MAGI1: variants seen among roughly 807,000 people sequenced by gnomAD.
The protein encoded by MAGI1 is membrane associated guanylate kinase, WW and PDZ domain containing 1.
In MAGI1, 58 loss-of-function variants were observed where a neutral mutation model predicts 139.9. The observed-to-expected ratio is 0.41, with a 90% CI of 0.34 to 0.52. The LOEUF is 0.52. MAGI1 is among the 20% of genes least tolerant of loss of function. MAGI1 has a pLI of 0.12. For synonymous variants in MAGI1, 812 were observed against 737.9 expected (o/e 1.10, Z -1.63); for missense variants, 1,874 against 1,901.6 (o/e 0.99, Z 0.27).
intron 1 of MAGI1, among the ~76,000 whole-genome samples, chr3:65,726,260 C>G (rs77554090): frequency 6.6e-6 from 1 of 151,980 alleles, no homozygotes; most frequent in Non-Finnish European, 1.5e-5. Flanking sequence ...TATAAAACAC[C>G]TTGGCTTAAT....
chr3:65,810,342 T>C (rs1336172580), intron 1 of MAGI1, among the ~76,000 whole-genome samples: 2 of 152,184 alleles, frequency 1.3e-5, no homozygotes, highest in Non-Finnish European at 2.9e-5. Flanking sequence ...CTCTATCCCA[T>C]ACACCCAAAC....
chr3:65,693,681 G>T (rs1576763357), intron 1 of MAGI1, among the ~76,000 whole-genome samples: 1 of 149,790 alleles, frequency 6.7e-6, no homozygotes, highest in African/African-American at 2.5e-5. Context: ...TTCTGACAGG[G>T]TATCCATATT....
intron 4 of MAGI1, among the ~76,000 whole-genome samples, chr3:65,477,082 T>C (rs936046457): frequency 1.3e-5 from 2 of 152,196 alleles, no homozygotes; most frequent in Non-Finnish European, 1.5e-5. Flanking sequence ...ATAATGTTTC[T>C]AAAAAGACAA....
chr3:65,695,636 G>A (rs993861393), intron 1 of MAGI1, among the ~76,000 whole-genome samples: 1 of 152,180 alleles, frequency 6.6e-6, no homozygotes, highest in Non-Finnish European at 1.5e-5. Context: ...ATTGCTGGGG[G>A]ATGAATGAAT....
chr3:65,565,152 T>A (rs1170996827), intron 2 of MAGI1, among the ~76,000 whole-genome samples: 2 of 152,256 alleles, frequency 1.3e-5, no homozygotes, highest in African/African-American at 4.8e-5. Flanking sequence ...GTGAAACACA[T>A]CTCTAGTGAC....
At chr3:65,832,555 G>T (rs555793686) in intron 1 of MAGI1, among the ~76,000 whole-genome samples, 1 of 152,150 alleles carries the variant, frequency 6.6e-6, no homozygotes, top group Admixed American at 6.5e-5. Flanking sequence ...ACTCCTGGAT[G>T]AAGCTAGATG....
At chr3:65,888,369 A>G (rs1335568778) in intron 1 of MAGI1, among the ~76,000 whole-genome samples, 2 of 152,234 alleles carry the variant, frequency 1.3e-5, no homozygotes, top group African/African-American at 2.4e-5. Flanking sequence ...GGAAGTACTG[A>G]GCAGGGAATT....
intron 2 of MAGI1, among the ~76,000 whole-genome samples, chr3:65,596,002 T>C: frequency 6.6e-6 from 1 of 152,150 alleles, no homozygotes; most frequent in African/African-American, 2.4e-5. Flanking sequence ...CTGCTAAAGC[T>C]TTCAACAGCA....
At chr3:65,825,131 C>G (rs779647694) in intron 1 of MAGI1, among the ~76,000 whole-genome samples, 2 of 152,146 alleles carry the variant, frequency 1.3e-5, no homozygotes, top group Non-Finnish European at 2.9e-5. Context: ...AAAAGTTTAT[C>G]TTTGAAAATC....
At chr3:65,562,568 A>G (rs2080412138) in intron 2 of MAGI1, among the ~76,000 whole-genome samples, 1 of 152,180 alleles carries the variant, frequency 6.6e-6, no homozygotes, top group Admixed American at 6.5e-5. Context: ...AGCTCACTGC[A>G]GCCTTGAACT....
intron 2 of MAGI1, among the ~76,000 whole-genome samples, chr3:65,539,448 GA>G (rs2079110862): frequency 6.6e-6 from 1 of 152,206 alleles, no homozygotes; most frequent in Non-Finnish European, 1.5e-5. Flanking sequence ...CTGTCAAAGA[GA>G]AAACCTCTTC....
chr3:66,035,571 G>A (rs550213916), intron 1 of MAGI1, among the ~76,000 whole-genome samples: 6 of 152,236 alleles, frequency 3.9e-5, no homozygotes, highest in South Asian at 2.1e-4. Context: ...AGATCCAACT[G>A]TGCCTGTGTA....
intron 1 of MAGI1, among the ~76,000 whole-genome samples, chr3:65,634,044 A>G (rs913448741): frequency 6.6e-6 from 1 of 152,238 alleles, no homozygotes; most frequent in African/African-American, 2.4e-5. Flanking sequence ...AGATAGCAAT[A>G]TGAAGCAATA....
In MAGI1 at chr3:65,356,922, C is replaced by T; in HGVS notation, c.3845G>A (p.Trp1282Ter). Residue 1282 changes from tryptophan to a stop codon, truncating the protein, a stop_gained, in exon 23 of 23, where the codon TGG becomes TAG. Coordinates refer to ENST00000402939, the MANE Select transcript of MAGI1 (RefSeq NM_001033057.2). LOFTEE classifies it low-confidence loss of function (END_TRUNC). The part of the protein sequence containing the change: ...YSRQPNEHHT[W>*]NGTSRKPDSG... ...GTCGGGTTTCCTCGAAGTCCCATTCCAGGTGTGGTGTTCATTGGGTTGTCT... is the reference window on the plus strand; with the variant it reads ...GTCGGGTTTCCTCGAAGTCCCATTCTAGGTGTGGTGTTCATTGGGTTGTCT... 6.2e-7 allele frequency: 1 copy of T among 1,614,178 alleles called. No homozygotes were observed. The highest frequency in any genetic ancestry group is 8.5e-7 in the Non-Finnish European group (1 of 1,180,012).
intron 14 of MAGI1, among the ~76,000 whole-genome samples, chr3:65,390,032 G>C (rs573574074): frequency 6.6e-6 from 1 of 152,268 alleles, no homozygotes; most frequent in South Asian, 2.1e-4. Context: ...TTTTGCTTGG[G>C]TCACAGAGGA....
chr3:66,026,771 G>C (rs554642031), intron 1 of MAGI1, among the ~76,000 whole-genome samples: 1 of 151,916 alleles, frequency 6.6e-6, no homozygotes, highest in Non-Finnish European at 1.5e-5. Context: ...AAAATATATA[G>C]CAGCACACCG....
intron 1 of MAGI1, among the ~76,000 whole-genome samples, chr3:65,893,626 G>C (rs1490495605): frequency 1.3e-5 from 2 of 152,074 alleles, no homozygotes; most frequent in African/African-American, 4.8e-5. Context: ...TTTTGCCCCA[G>C]GTTACACAGT....
chr3:65,397,146 G>A (rs1038678601), intron 13 of MAGI1, among the ~76,000 whole-genome samples: 1 of 152,146 alleles, frequency 6.6e-6, no homozygotes, highest in Non-Finnish European at 1.5e-5. Flanking sequence ...AAGCTTTGAT[G>A]GGATCAATCA....
chr3:66,008,021 C>G (rs2067122987), intron 1 of MAGI1, among the ~76,000 whole-genome samples: 1 of 151,932 alleles, frequency 6.6e-6, no homozygotes, highest in Admixed American at 6.6e-5. Flanking sequence ...TTCAGCCTCC[C>G]AAGTAGCTGG....
Sources: allele counts gnomAD v4.1 joint callset (sites outside exome capture counted in the v4.1 genomes callset), GRCh38; gene constraint gnomAD v4.1.1; transcripts MANE v1.5; gene names NCBI Gene and HGNC (gene_info 2026-07-23, HGNC 2026-07-21).